The following TMCO4 variants were observed in gnomAD, a reference collection of about 807,000 sequenced individuals.
The protein encoded by TMCO4 is transmembrane and coiled-coil domains 4, also known as transmembrane and coiled-coil domain-containing protein 4.
TMCO4 carries 58 observed loss-of-function variants against 64.7 expected under a neutral mutation model. The ratio of observed to expected loss-of-function variants is 0.90; its 90% CI spans 0.73 to 1.12. TMCO4 has a LOEUF of 1.12. Ranked by LOEUF, TMCO4 falls within the 50% of genes most tolerant of loss-of-function variation. The pLI, the probability that TMCO4 is intolerant of heterozygous loss-of-function variation, is 0.00. For synonymous variants in TMCO4, 325 were observed against 346.1 expected, an observed-to-expected ratio of 0.94 and a Z score of 0.68; for missense variants, 780 against 825.9, an observed-to-expected ratio of 0.94 and a Z score of 0.68.
chr1:19,692,695 C>T (rs549016900), intron 15 of TMCO4, among the ~76,000 whole-genome samples: 42 of 151,768 alleles, frequency 2.8e-4, no homozygotes, highest in African/African-American at 9.4e-4. Context: ...TGCAGTGAGC[C>T]GAGATCGCGC....
rs2095475148 is a variant in TMCO4 at position 19,740,686 on chromosome 1, G to C, written c.1042+91C>G. ...TAGGGTCCAGCACGGTGCCTGCCCTGGGGGCTTTGGGCATGCAAAACTATG... is the reference window on the plus strand; with the variant it reads ...TAGGGTCCAGCACGGTGCCTGCCCTCGGGGCTTTGGGCATGCAAAACTATG... On this transcript the variant is annotated intron_variant, in intron 11 of 15. Transcript: ENST00000294543. 1.8e-5 allele frequency: 26 copies of C among 1,418,828 alleles called. No homozygotes were observed. The South Asian group carries it at 3.2e-4, about 18-fold the overall frequency. 87.9% of individuals were successfully genotyped at this position (1,418,828 alleles called of 1,614,324 possible). A position where few individuals can be genotyped will look rare whatever the true frequency, so the allele number is the denominator to read the frequency against.
intron 6 of TMCO4, among the ~76,000 whole-genome samples, chr1:19,759,378 C>T (rs993806797): frequency 6.6e-6 from 1 of 152,186 alleles, no homozygotes; most frequent in Non-Finnish European, 1.5e-5. Flanking sequence ...CAAACAGCAG[C>T]CACTGAGCTT....
chr1:19,739,537 C>T (rs949252236), intron 12 of TMCO4, among the ~76,000 whole-genome samples: 3 of 152,204 alleles, frequency 2.0e-5, no homozygotes, highest in African/African-American at 7.2e-5. Flanking sequence ...ACATAGGAGC[C>T]ACTTTTGCTT....
At chr1:19,747,894 G>A (rs937376310) in intron 7 of TMCO4, among the ~76,000 whole-genome samples, 19 of 152,336 alleles carry the variant, frequency 1.2e-4, no homozygotes, top group African/African-American at 4.3e-4. Flanking sequence ...ATTCAGCCCT[G>A]AGCCCCTTTG....
chr1:19,724,050 A>G (rs148148863), intron 13 of TMCO4, among the ~76,000 whole-genome samples: 399 of 152,232 alleles, frequency 2.6e-3, no homozygotes, highest in African/African-American at 9.0e-3. Context: ...GGCAGTCGGC[A>G]GGCTAAGAGT....
At chr1:19,731,820 A>G (rs2095431260) in intron 13 of TMCO4, among the ~76,000 whole-genome samples, 1 of 152,136 alleles carries the variant, frequency 6.6e-6, no homozygotes, top group East Asian at 1.9e-4. Context: ...CAGGGAGGTC[A>G]CACTCGAGTG....
intron 7 of TMCO4, among the ~76,000 whole-genome samples, chr1:19,755,390 C>T (rs1278343229): frequency 1.3e-5 from 2 of 152,218 alleles, no homozygotes; most frequent in Non-Finnish European, 2.9e-5. Flanking sequence ...GCTGGGATTA[C>T]AGGCGTAAGC....
In TMCO4 at chr1:19,734,440, T is replaced by C. The variant is rs1174884732; in HGVS notation, c.1264+2932A>G. Reference sequence around the variant, plus strand: ...TGAACTGTAGGGTGCCCAGCACCAGTGCCCCCGGGTCCTCCTTGGCAGGAT... The same window carrying C: ...TGAACTGTAGGGTGCCCAGCACCAGCGCCCCCGGGTCCTCCTTGGCAGGAT... On this transcript the variant is annotated intron_variant, in intron 13 of 15. Transcript: ENST00000294543. The surrounding 1 kb of genome is among the most constrained non-coding windows in gnomAD (Gnocchi z 4.4). Among the ~76,000 whole-genome samples, 3 of 152,164 alleles carry C rather than the reference T, an allele frequency of 2.0e-5. No homozygotes were observed. Among genetic ancestry groups the C allele is most frequent in the African/African-American group, 7.2e-5 (3 of 41,446 alleles).
At chr1:19,789,259 G>C (rs115041815) in intron 2 of TMCO4, among the ~76,000 whole-genome samples, 7,149 of 150,628 alleles carry the variant, frequency 0.047, 248 homozygotes, top group South Asian at 0.11. Context: ...AAAATTAGCT[G>C]GTTGTGCTGG....
At chr1:19,697,027 T>G (rs1436961656) in intron 14 of TMCO4, among the ~76,000 whole-genome samples, 1 of 152,212 alleles carries the variant, frequency 6.6e-6, no homozygotes, top group Non-Finnish European at 1.5e-5. Flanking sequence ...TCAGGTTATC[T>G]TAGCTTTCAG....
chr1:19,791,340 A>T (rs1005300479), intron 2 of TMCO4, among the ~76,000 whole-genome samples: 4 of 152,172 alleles, frequency 2.6e-5, no homozygotes, highest in Admixed American at 1.3e-4. Context: ...AAATTAAAAA[A>T]AAAAAGGAAA....
chr1:19,695,003 G>C (rs1305404817), intron 14 of TMCO4, among the ~76,000 whole-genome samples: 1 of 152,244 alleles, frequency 6.6e-6, no homozygotes, highest in Non-Finnish European at 1.5e-5. Context: ...AGGTCCACCT[G>C]TGAGGAGGGG....
chr1:19,714,148 C>T (rs114450199), intron 13 of TMCO4, among the ~76,000 whole-genome samples: 2,963 of 152,172 alleles, frequency 0.019, 95 homozygotes, highest in African/African-American at 0.067. Context: ...TGTTGGCCAG[C>T]GTGGTCTCAA....
At chr1:19,705,328 G>A (rs1307668674) in intron 13 of TMCO4, among the ~76,000 whole-genome samples, 1 of 152,064 alleles carries the variant, frequency 6.6e-6, no homozygotes, top group Admixed American at 6.6e-5. Context: ...GTGGGTGCCT[G>A]TAGTCCCAGC....
At chr1:19,713,416 A>G (rs991122265) in intron 13 of TMCO4, among the ~76,000 whole-genome samples, 1 of 152,066 alleles carries the variant, frequency 6.6e-6, no homozygotes, top group Non-Finnish European at 1.5e-5. Flanking sequence ...GGGGTGGGGG[A>G]AACACTGGGA....
rs376520108 is a variant in TMCO4, at chr1:19,790,687, G to C, written c.-100-3570C>G. Among the ~76,000 whole-genome samples, 4 of 152,314 alleles carry C rather than the reference G, an allele frequency of 2.6e-5. No individual in the cohort carries two copies. The East Asian group carries it at 7.7e-4, about 29-fold the overall frequency. Reference sequence around the variant, plus strand: ...AAGCTGGCAAGGCTGCAGAGAAATAGGAACACTCTTACACTGTTGGTGGGA... The same window carrying C: ...AAGCTGGCAAGGCTGCAGAGAAATACGAACACTCTTACACTGTTGGTGGGA... On this transcript the variant is annotated intron_variant, in intron 2 of 15. Coordinates refer to ENST00000294543, the MANE Select transcript of TMCO4 (RefSeq NM_181719.7).
chr1:19,749,151 C>A (rs1349988806), intron 7 of TMCO4, among the ~76,000 whole-genome samples: 1 of 152,190 alleles, frequency 6.6e-6, no homozygotes, highest in Non-Finnish European at 1.5e-5. Context: ...CCATCAAGAT[C>A]GAGGGTTCTA....
At chr1:19,712,834 T>A (rs1469121405) in intron 13 of TMCO4, among the ~76,000 whole-genome samples, 2 of 152,188 alleles carry the variant, frequency 1.3e-5, no homozygotes, top group Admixed American at 1.3e-4. Flanking sequence ...TGGCTTAAAA[T>A]AATCAGTGAT....
chr1:19,701,125 T>A, intron 13 of TMCO4: 2 of 381,376 alleles, frequency 5.2e-6, no homozygotes, highest in Non-Finnish European at 9.4e-6. Context: ...ATATGTCTAA[T>A]CTATTCCTTC....
Sources: allele counts gnomAD v4.1 joint callset (sites outside exome capture counted in the v4.1 genomes callset), GRCh38; gene constraint gnomAD v4.1.1; non-coding constraint Gnocchi (gnomAD v3.1); transcripts MANE v1.5; gene names NCBI Gene and HGNC (gene_info 2026-07-23, HGNC 2026-07-21).